Variants in THOC7 observed in about 807,000 individuals in gnomAD.
THOC7 encodes NIF3L1-binding protein 1.
In THOC7, 22 loss-of-function variants were observed where a neutral mutation model predicts 33.1. That is an observed-to-expected ratio of 0.66 (90% CI 0.47 to 0.95). THOC7 has a LOEUF of 0.95. Among genes scored for constraint, THOC7 ranks in the 40% least tolerant of loss-of-function variants. The pLI, the probability that THOC7 is intolerant of heterozygous loss-of-function variation, is 0.00. For missense variants in THOC7, 184 were observed against 245.3 expected (o/e 0.75, Z 1.67); for synonymous variants, 77 against 76.8 (o/e 1.00, Z -0.01).
At chr3:63,835,631 C>T (rs1701616636) in intron 5 of THOC7, among the ~76,000 whole-genome samples, 1 of 151,992 alleles carries the variant, frequency 6.6e-6, no homozygotes, top group Non-Finnish European at 1.5e-5. Context: ...CAGAAAAATA[C>T]AGATAACAGA....
upstream of THOC7, among the ~76,000 whole-genome samples, chr3:63,864,098 C>T (rs1702326082): frequency 6.8e-6 from 1 of 146,662 alleles, no homozygotes; most frequent in Non-Finnish European, 1.5e-5. Flanking sequence ...CGCCGCCCCC[C>T]TTGCAGCCCC....
At chr3:63,834,225 C>A (rs373931203) in intron 7 of THOC7, 26 bp from the exon 8 acceptor site, 3 of 1,611,812 alleles carry the variant, frequency 1.9e-6, no homozygotes, top group Middle Eastern at 1.7e-4. Flanking sequence ...AAACATAAAA[C>A]CTTAGTCAAG....
At chr3:63,848,982 T>G (rs190021620) in intron 1 of THOC7, among the ~76,000 whole-genome samples, 134 of 152,388 alleles carry the variant, frequency 8.8e-4, no homozygotes, top group Admixed American at 3.1e-3. Context: ...GCAATTTGGT[T>G]GTCTGCATAA....
intron 4 of THOC7, among the ~76,000 whole-genome samples, 153 bp downstream of exon 4, chr3:63,837,823 T>A (rs1482191636): frequency 6.6e-6 from 1 of 152,080 alleles, no homozygotes; most frequent in Non-Finnish European, 1.5e-5. Flanking sequence ...TTCTCTATTT[T>A]AAAGAATAAT....
chr3:63,846,145 C>G, intron 1 of THOC7: 2 of 428,286 alleles, frequency 4.7e-6, no homozygotes, highest in Non-Finnish European at 9.4e-6. Context: ...GCCTCTCTCT[C>G]TCTTTCTTTG....
At position 63,862,910 on chromosome 3, in the gene THOC7, C is replaced by G. The variant is rs528211210; in HGVS notation, c.19+862G>C. On this transcript the variant is annotated intron_variant, in intron 1 of 7. Transcript: ENST00000295899. ...CGCTCTCAGTCCATAGACCATCTCC[C>G]TTAGACTGTCCACAAACCCAGCCTT... Among the ~76,000 whole-genome samples, 4 of 152,262 alleles carry G rather than the reference C, an allele frequency of 2.6e-5. No individual in the cohort carries two copies. In the South Asian group the frequency reaches 6.2e-4, roughly 24 times the overall value.
chr3:63,837,838 T>C, intron 4 of THOC7, 138 bp downstream of exon 4: 2 of 619,468 alleles, frequency 3.2e-6, no homozygotes, highest in Non-Finnish European at 5.3e-6. Flanking sequence ...AATAATATAG[T>C]TTTAAGGAAT....
At chr3:63,837,516 A>G (rs931473091) in intron 4 of THOC7, among the ~76,000 whole-genome samples, 2 of 152,020 alleles carry the variant, frequency 1.3e-5, no homozygotes, top group African/African-American at 4.8e-5. Flanking sequence ...CAGTCTAGAA[A>G]TGTTTGCTTG....
At chr3:63,854,284 C>T (rs936566185) in intron 1 of THOC7, among the ~76,000 whole-genome samples, 1 of 152,178 alleles carries the variant, frequency 6.6e-6, no homozygotes, top group Non-Finnish European at 1.5e-5. Context: ...GCTGATAGTT[C>T]CTAACACAAA....
intron 1 of THOC7, among the ~76,000 whole-genome samples, chr3:63,843,521 T>C (rs891228913): frequency 1.3e-5 from 2 of 152,224 alleles, no homozygotes; most frequent in Non-Finnish European, 2.9e-5. Context: ...CAAAGAGGTA[T>C]CTGCACTCCA....
intron 1 of THOC7, among the ~76,000 whole-genome samples, chr3:63,847,404 T>C (rs552700146): frequency 1.8e-4 from 28 of 152,302 alleles, no homozygotes; most frequent in Non-Finnish European, 3.8e-4. Flanking sequence ...CAAGCAATTA[T>C]AATCCTAAAG....
intron 5 of THOC7, among the ~76,000 whole-genome samples, chr3:63,835,871 G>T (rs1024455300): frequency 4.0e-5 from 6 of 151,600 alleles, no homozygotes; most frequent in African/African-American, 1.5e-4. Context: ...ACACAGTATT[G>T]GTATATAATA....
At chr3:63,862,200 C>G (rs796964047) in intron 1 of THOC7, among the ~76,000 whole-genome samples, 1 of 152,200 alleles carries the variant, frequency 6.6e-6, no homozygotes, top group East Asian at 1.9e-4. Flanking sequence ...TAAATTCTAG[C>G]AATACTTGTC....
Position 63,834,147 on chromosome 3 carries a change from T to G in THOC7, c.600A>C (p.Thr200=). ...VEEAQEASME[T]DPKP ...ATTAGCCTGTCTATGGCTTAGGATC[T>G]GTTTCCATGCTTGCTTCCTGAGCTT... The change falls in exon 8 of 8, where the codon ACA becomes ACC. Residue 200 remains threonine (T), a synonymous_variant. Transcript: ENST00000295899. 6.2e-7 allele frequency: 1 copy of G among 1,614,148 alleles called. No homozygotes were observed. The highest frequency in any genetic ancestry group is 8.5e-7 in the Non-Finnish European group (1 of 1,180,006).
intron 1 of THOC7, among the ~76,000 whole-genome samples, chr3:63,856,305 C>T (rs1412876314): frequency 6.6e-6 from 1 of 151,592 alleles, no homozygotes; most frequent in East Asian, 1.9e-4. Flanking sequence ...AGTACAAAAA[C>T]ATAGAGTGAA....
At chr3:63,858,877 T>C (rs1309425747) in intron 1 of THOC7, among the ~76,000 whole-genome samples, 1 of 152,210 alleles carries the variant, frequency 6.6e-6, no homozygotes, top group Non-Finnish European at 1.5e-5. Flanking sequence ...CTAGTAGCTA[T>C]AGCTACTCTA....
intron 4 of THOC7, among the ~76,000 whole-genome samples, chr3:63,836,612 G>A (rs907767255): frequency 3.3e-5 from 5 of 151,878 alleles, no homozygotes; most frequent in African/African-American, 1.2e-4. Context: ...GAACGTAAGA[G>A]GTCAGCATAA....
At chr3:63,853,298 A>T (rs923244360) in intron 1 of THOC7, among the ~76,000 whole-genome samples, 10 of 152,112 alleles carry the variant, frequency 6.6e-5, no homozygotes, top group African/African-American at 2.4e-4. Context: ...TTCTGGCAGC[A>T]CAGGGAATTC....
At chr3:63,843,377 C>G (rs1343204617) in intron 1 of THOC7, among the ~76,000 whole-genome samples, 1 of 152,032 alleles carries the variant, frequency 6.6e-6, no homozygotes, top group Non-Finnish European at 1.5e-5. Context: ...CTCGGCCTCT[C>G]AAAGTGCTGG....
Sources: allele counts gnomAD v4.1 joint callset (sites outside exome capture counted in the v4.1 genomes callset), GRCh38; gene constraint gnomAD v4.1.1; transcripts MANE v1.5; gene names NCBI Gene and HGNC (gene_info 2026-07-23, HGNC 2026-07-21).